Variants in LMBRD2 observed in about 807,000 individuals in gnomAD.
The protein encoded by LMBRD2 is LMBR1 domain containing 2.
A neutral mutation model predicts 94.4 loss-of-function variants in LMBRD2; 55 were observed. The ratio of observed to expected loss-of-function variants is 0.58; its 90% CI spans 0.47 to 0.73. The LOEUF (loss-of-function observed/expected upper bound fraction) is 0.73. LMBRD2 is among the 30% of genes least tolerant of loss of function. LMBRD2 has a pLI of 0.00. For missense variants in LMBRD2, 640 were observed against 831.9 expected, an observed-to-expected ratio of 0.77 and a Z score of 2.84; for synonymous variants, 246 against 272.4, an observed-to-expected ratio of 0.90 and a Z score of 0.95.
intron 1 of LMBRD2, among the ~76,000 whole-genome samples, chr5:36,150,594 G>A (rs921407078): frequency 8.5e-5 from 13 of 152,162 alleles, no homozygotes; most frequent in African/African-American, 1.4e-4. Context: ...TTTCTCCTTA[G>A]CCAAAGTAAC....
intron 6 of LMBRD2, among the ~76,000 whole-genome samples, chr5:36,128,956 T>C (rs567648442): frequency 2.2e-4 from 33 of 152,248 alleles, no homozygotes; most frequent in African/African-American, 5.5e-4. Context: ...CATTGACATA[T>C]TGAAGAATGC....
At chr5:36,150,231 A>G (rs1218943984) in intron 1 of LMBRD2, among the ~76,000 whole-genome samples, 1 of 152,228 alleles carries the variant, frequency 6.6e-6, no homozygotes, top group African/African-American at 2.4e-5. Context: ...TCTTGTGTTC[A>G]CTAATTCAGA....
At position 36,100,680 on chromosome 5, in the gene LMBRD2, C is replaced by T. The variant is rs1268929121; in HGVS notation, c.*3366G>A. The T allele has an allele frequency of 3.3e-5, 5 of 151,972 alleles. No homozygotes were observed. In the East Asian group the frequency reaches 5.8e-4, roughly 18 times the overall value. The allele number at this position is 151,972 out of a possible 1,614,324, so 9.4% of individuals were successfully genotyped here. ...AAGATTTTTCAGGGACATATTTTGT[C>T]GCTTAGTGCAAATATACTTGTAATT... On this transcript the variant is annotated 3_prime_UTR_variant, in exon 18 of 18. Coordinates refer to ENST00000296603, the MANE Select transcript of LMBRD2 (RefSeq NM_001007527.2).
At chr5:36,130,363 TA>T (rs1200017696) in intron 6 of LMBRD2, among the ~76,000 whole-genome samples, 6 of 152,152 alleles carry the variant, frequency 3.9e-5, no homozygotes, top group African/African-American at 1.4e-4. Flanking sequence ...GTCATCAGTT[TA>T]AAATAACAGG....
chr5:36,131,569 T>C lies in LMBRD2; in HGVS notation c.747+4740A>G, dbSNP rs559787133. ...TTATCCTGTTTTCAGGTGATAAATC[T>C]CACATTTGGAAAAACCTAAAAACTC... On this transcript the variant is annotated intron_variant, in intron 6 of 17. Coordinates refer to ENST00000296603, the MANE Select transcript of LMBRD2 (RefSeq NM_001007527.2). 9.9e-5 allele frequency among the ~76,000 whole-genome samples: 15 copies of C among 152,212 alleles called. 1 individual carries two copies. In the South Asian group the frequency reaches 3.1e-3, roughly 32 times the overall value.
At chr5:36,114,067 T>C (rs1315313080) in intron 13 of LMBRD2, among the ~76,000 whole-genome samples, 1 of 152,140 alleles carries the variant, frequency 6.6e-6, no homozygotes, top group East Asian at 1.9e-4. Flanking sequence ...ATTTATGTCA[T>C]TAGAAAAAAG....
chr5:36,136,672 C>A (rs987123022), intron 5 of LMBRD2, among the ~76,000 whole-genome samples, 153 bp from the exon 6 acceptor site: 3 of 152,024 alleles, frequency 2.0e-5, no homozygotes, highest in Non-Finnish European at 4.4e-5. Flanking sequence ...TATATTTTCC[C>A]AAAGGAAACA....
chr5:36,114,287 C>A, intron 13 of LMBRD2, 137 bp downstream of exon 13: 1 of 997,600 alleles, frequency 1.0e-6, no homozygotes, highest in Non-Finnish European at 1.4e-6. Context: ...TCAAGTAGTC[C>A]CTTCAAACTA....
intron 6 of LMBRD2, among the ~76,000 whole-genome samples, chr5:36,134,847 A>G (rs1744232935): frequency 6.6e-6 from 1 of 152,216 alleles, no homozygotes; most frequent in Non-Finnish European, 1.5e-5. Context: ...ATTATCATTT[A>G]TGTTAAGACT....
chr5:36,116,390 A>C, intron 11 of LMBRD2, 70 bp downstream of exon 11: 2 of 1,435,888 alleles, frequency 1.4e-6, no homozygotes, highest in Non-Finnish European at 1.9e-6. Flanking sequence ...TAAACAACAA[A>C]AAATAAAAGA....
rs779992299 is a variant in LMBRD2 at position 36,137,392 on chromosome 5, T to C, written c.418A>G (p.Ile140Val). The C allele has an allele frequency of 1.2e-6, 2 of 1,600,206 alleles. No individual in the cohort carries two copies. Among genetic ancestry groups the C allele is most frequent in the East Asian group, 4.5e-5 (2 of 44,694 alleles). ...QSYARSGGFS[I>V]TGKIKTALIE... ...AGTGCAGTTTTGATCTTTCCAGTGATGGAAAACCCTCCTGATCTTGCATAT... is the reference window on the plus strand; with the variant it reads ...AGTGCAGTTTTGATCTTTCCAGTGACGGAAAACCCTCCTGATCTTGCATAT... Residue 140 changes from isoleucine (I) to valine (V), a missense_variant, in exon 5 of 18, where the codon ATC (isoleucine) becomes GTC (valine). Physicochemically the swap from Ile to Val is conservative, Grantham distance 29. Transcript: ENST00000296603.
At chr5:36,105,451 A>G (rs1231008963) in intron 16 of LMBRD2, among the ~76,000 whole-genome samples, 1 of 152,186 alleles carries the variant, frequency 6.6e-6, no homozygotes, top group Non-Finnish European at 1.5e-5. Flanking sequence ...CACAGTGCAA[A>G]CATTTCATTA....
chr5:36,118,771 C>A (rs1743819062), intron 9 of LMBRD2, among the ~76,000 whole-genome samples: 1 of 151,970 alleles, frequency 6.6e-6, no homozygotes, highest in South Asian at 2.1e-4. Context: ...CTGCCTCAGC[C>A]TCCCAAGTAA....
chr5:36,110,837 G>A (rs1743587760), intron 14 of LMBRD2, among the ~76,000 whole-genome samples: 1 of 152,038 alleles, frequency 6.6e-6, no homozygotes, highest in African/African-American at 2.4e-5. Flanking sequence ...GAGTTTTATA[G>A]TTGTACAGAG....
chr5:36,126,035 C>T (rs1228802046), intron 6 of LMBRD2, among the ~76,000 whole-genome samples: 1 of 152,116 alleles, frequency 6.6e-6, no homozygotes, highest in Non-Finnish European at 1.5e-5. Flanking sequence ...AGCACTGGCT[C>T]AGGCTGAAAG....
chr5:36,124,132 T>G (rs1034047790), intron 7 of LMBRD2, 59 bp downstream of exon 7: 7 of 957,406 alleles, frequency 7.3e-6, no homozygotes, highest in Admixed American at 2.3e-5. Context: ...CTGGTACTTT[T>G]GGTATAATAT....
intron 3 of LMBRD2, 63 bp from the exon 4 acceptor site, chr5:36,141,265 A>T: frequency 1.1e-6 from 1 of 917,042 alleles, no homozygotes; most frequent in Non-Finnish European, 1.8e-6. Context: ...TTATACAATT[A>T]ATTTGCATGT....
intron 6 of LMBRD2, among the ~76,000 whole-genome samples, chr5:36,130,148 G>A (rs1744099423): frequency 6.6e-6 from 1 of 151,840 alleles, no homozygotes; most frequent in Non-Finnish European, 1.5e-5. Context: ...TAACAAACCT[G>A]CACATTGTGC....
At chr5:36,127,921 G>C (rs1423014433) in intron 6 of LMBRD2, among the ~76,000 whole-genome samples, 1 of 152,190 alleles carries the variant, frequency 6.6e-6, no homozygotes, top group East Asian at 1.9e-4. Flanking sequence ...ACGGTAGCCA[G>C]GCAGTGGTTA....
Sources: gnomAD v4.1 joint callset for allele counts (sites outside exome capture counted in the v4.1 genomes callset) on GRCh38, gnomAD v4.1.1 for gene constraint, MANE v1.5 for transcripts, NCBI Gene and HGNC (gene_info 2026-07-23, HGNC 2026-07-21) for gene names.